Variants in CABLES1 observed in about 807,000 individuals in gnomAD.
The protein encoded by CABLES1 is CDK5 and ABL1 enzyme substrate 1.
A neutral mutation model predicts 57.8 loss-of-function variants in CABLES1; 36 were observed. That is an observed-to-expected ratio of 0.62 (90% CI 0.48 to 0.82). The LOEUF (loss-of-function observed/expected upper bound fraction) is 0.82. Among genes scored for constraint, CABLES1 ranks in the 40% least tolerant of loss-of-function variants. The pLI is 0.00. For missense variants in CABLES1, 767 were observed against 836.6 expected, an observed-to-expected ratio of 0.92 and a Z score of 1.03; for synonymous variants, 374 against 363.0, an observed-to-expected ratio of 1.03 and a Z score of -0.35.
chr18:23,234,707 A>AAGGCTGCC lies in CABLES1; in HGVS notation c.1185+14_1185+21dup. 3 of 1,611,570 alleles carry AAGGCTGCC rather than the reference A, an allele frequency of 1.9e-6. No individual in the cohort carries two copies. Among genetic ancestry groups the AAGGCTGCC allele is most frequent in the Non-Finnish European group, 2.5e-6 (3 of 1,178,636 alleles). On this transcript the variant is annotated splice_donor_region_variant and intron_variant, in intron 5 of 9. Coordinates refer to ENST00000256925, the MANE Select transcript of CABLES1 (RefSeq NM_001100619.3). ...TGGAGCTGGGTGCTGATGGGAAGGT[A>AAGGCTGCC]AGGCTGCCAGGCTGCCAGTCACCAA... is the stretch of plus-strand genomic sequence containing the variant.
At chr18:23,141,456 CTG>C (rs1278500039) in intron 1 of CABLES1, among the ~76,000 whole-genome samples, 2 of 152,176 alleles carry the variant, frequency 1.3e-5, no homozygotes, top group East Asian at 1.9e-4. Context: ...AGTCGCCAGT[CTG>C]TGTGTGTGTG....
In CABLES1 at chr18:23,234,639, A is replaced by T. The variant is rs2047590103; in HGVS notation, c.1120A>T (p.Thr374Ser). ...DLKLDGGRQSTGAVSLKEIIG... is the reference protein window; with the variant it reads ...DLKLDGGRQSSGAVSLKEIIG... ...GAAGTTGGACGGAGGAAGACAATCAACTGGTGCAGTGAGTTTGAAAGAGAT... is the reference window on the plus strand; with the variant it reads ...GAAGTTGGACGGAGGAAGACAATCATCTGGTGCAGTGAGTTTGAAAGAGAT... Residue 374 changes from threonine to serine, a missense_variant, in exon 5 of 10, where the codon ACT becomes TCT. Coordinates refer to ENST00000256925, the MANE Select transcript of CABLES1 (RefSeq NM_001100619.3). 6.2e-7 allele frequency: 1 copy of T among 1,613,950 alleles called. No homozygotes were observed. The highest frequency in any genetic ancestry group is 1.3e-5 in the African/African-American group (1 of 75,058).
intron 9 of CABLES1, among the ~76,000 whole-genome samples, chr18:23,254,616 A>C (rs138775304): frequency 6.6e-6 from 1 of 152,178 alleles, no homozygotes; most frequent in African/African-American, 2.4e-5. Flanking sequence ...TATTTCTCAT[A>C]GTTTTGGAGG....
At chr18:23,153,392 C>T (rs956525276) in intron 1 of CABLES1, among the ~76,000 whole-genome samples, 3 of 151,938 alleles carry the variant, frequency 2.0e-5, no homozygotes, top group Non-Finnish European at 2.9e-5. Context: ...GCCACTATGA[C>T]CAGCAATATT....
intron 7 of CABLES1, among the ~76,000 whole-genome samples, chr18:23,245,194 C>G (rs1037863806): frequency 2.6e-5 from 4 of 152,112 alleles, no homozygotes; most frequent in African/African-American, 9.7e-5. Context: ...CATGACAAGT[C>G]AAGACTTTGT....
At chr18:23,159,507 A>G (rs1223329737) in intron 1 of CABLES1, among the ~76,000 whole-genome samples, 1 of 152,206 alleles carries the variant, frequency 6.6e-6, no homozygotes, top group Admixed American at 6.5e-5. Flanking sequence ...GTGTTTTGTG[A>G]CATGTTTTAA....
intron 3 of CABLES1, among the ~76,000 whole-genome samples, chr18:23,212,288 G>T (rs916970059): frequency 6.6e-6 from 1 of 152,206 alleles, no homozygotes; most frequent in Non-Finnish European, 1.5e-5. Context: ...TCTTCTGAGG[G>T]TTCTCCAAGT....
At chr18:23,221,903 T>A (rs1260825893) in intron 4 of CABLES1, among the ~76,000 whole-genome samples, 6 of 152,152 alleles carry the variant, frequency 3.9e-5, no homozygotes, top group African/African-American at 1.4e-4. Context: ...AAGCCCCTGA[T>A]CCAAGCCTGG....
chr18:23,203,235 G>A (rs1275295294), intron 3 of CABLES1, among the ~76,000 whole-genome samples: 2 of 152,166 alleles, frequency 1.3e-5, no homozygotes, highest in Non-Finnish European at 2.9e-5. Flanking sequence ...GGCATGGCAT[G>A]CAGGAGATGG....
At chr18:23,202,481 G>A (rs918053386) in intron 3 of CABLES1, among the ~76,000 whole-genome samples, 11 of 152,188 alleles carry the variant, frequency 7.2e-5, no homozygotes, top group Admixed American at 2.0e-4. Context: ...TATTGTAAGA[G>A]GAGAGCCAGT....
rs1313356955 is a variant in CABLES1, at chr18:23,136,011, G to T, written c.249G>T (p.Ala83=). Reference sequence around the variant, plus strand: ...ACGGCCGGCTGCCGCCGCAGGACGCGGAGTGGGGCGGTGGCGAGGAGGGCG... The same window carrying T: ...ACGGCCGGCTGCCGCCGCAGGACGCTGAGTGGGGCGGTGGCGAGGAGGGCG... ...SLDGRLPPQD[A]EWGGGEEGGA... is the part of the protein sequence containing the mutation. The change falls in exon 1 of 10, where the codon GCG becomes GCT. Residue 83 remains alanine (A), a synonymous_variant. Coordinates refer to ENST00000256925, the MANE Select transcript of CABLES1 (RefSeq NM_001100619.3). 8 of 1,139,736 alleles carry T rather than the reference G, an allele frequency of 7.0e-6. No individual in the cohort carries two copies. Among genetic ancestry groups the T allele is most frequent in the Non-Finnish European group, 8.6e-6 (8 of 929,874 alleles). The allele number at this position is 1,139,736 out of a possible 1,614,324, so 70.6% of individuals were successfully genotyped here. A position where few individuals can be genotyped will look rare whatever the true frequency, so the allele number is the denominator to read the frequency against.
chr18:23,257,141 G>A, intron 9 of CABLES1, 86 bp from the exon 10 acceptor site: 4 of 1,471,924 alleles, frequency 2.7e-6, no homozygotes, highest in South Asian at 2.3e-5. Context: ...GCACTCACTG[G>A]CTGGTGGATA....
At chr18:23,235,767 T>C (rs1427852659) in intron 5 of CABLES1, 128 bp from the exon 6 acceptor site, 17 of 973,072 alleles carry the variant, frequency 1.7e-5, no homozygotes, top group East Asian at 2.4e-5. Context: ...TCAGATCTCA[T>C]TGAATTTCAG....
intron 1 of CABLES1, among the ~76,000 whole-genome samples, chr18:23,170,320 C>G (rs1487363141): frequency 6.6e-6 from 1 of 152,116 alleles, no homozygotes; most frequent in African/African-American, 2.4e-5. Context: ...TTTGACGTGG[C>G]CTGTTGTCCT....
chr18:23,224,739 T>G (rs1423201478), intron 4 of CABLES1, among the ~76,000 whole-genome samples: 1 of 151,894 alleles, frequency 6.6e-6, no homozygotes, highest in Non-Finnish European at 1.5e-5. Flanking sequence ...CGGCTAATTT[T>G]TTTGTATTTT....
In CABLES1 at chr18:23,161,754, C is replaced by CAAAAAAAAAAAAAAAAAAA. The variant is rs1184010487; in HGVS notation, c.845+25150_845+25168dup. Among the ~76,000 whole-genome samples the CAAAAAAAAAAAAAAAAAAA allele has an allele frequency of 6.0e-5, 2 of 33,156 alleles. 1 individual carries two copies. 21.8% of individuals were successfully genotyped at this position (33,156 alleles called of 152,430 possible). On this transcript the variant is annotated intron_variant, in intron 1 of 9. Transcript: ENST00000256925. ...TGAAACCCCGTCTCTACTAAAAATCCAAAAAAAAAAAAAAAAAAAAAGCCA... is the reference window on the plus strand; with the variant it reads ...TGAAACCCCGTCTCTACTAAAAATCCAAAAAAAAAAAAAAAAAAAAAAAAAAAAAAAAAAAAAAAAGCCA...
intron 1 of CABLES1, among the ~76,000 whole-genome samples, chr18:23,147,071 A>G (rs1364493878): frequency 1.3e-5 from 2 of 152,234 alleles, no homozygotes; most frequent in Non-Finnish European, 2.9e-5. Context: ...GCTGATTTTC[A>G]CGTGATAACC....
At chr18:23,231,519 A>G (rs1428482460) in intron 4 of CABLES1, among the ~76,000 whole-genome samples, 5 of 152,224 alleles carry the variant, frequency 3.3e-5, no homozygotes, top group African/African-American at 1.2e-4. Context: ...TTAGCAATTT[A>G]GAAAGTAGAA....
intron 3 of CABLES1, among the ~76,000 whole-genome samples, chr18:23,206,440 G>T (rs972103000): frequency 7.9e-5 from 12 of 152,248 alleles, no homozygotes; most frequent in African/African-American, 4.8e-5. Context: ...CTCCTACACA[G>T]CTTAGATGTT....
Sources: allele counts gnomAD v4.1 joint callset (sites outside exome capture counted in the v4.1 genomes callset), GRCh38; gene constraint gnomAD v4.1.1; transcripts MANE v1.5; gene names NCBI Gene and HGNC (gene_info 2026-07-23, HGNC 2026-07-21).